Variants in WWOX observed in about 807,000 individuals in gnomAD.
WWOX encodes the protein WW domain-containing oxidoreductase.
WWOX carries 69 observed loss-of-function variants against 46.2 expected under a neutral mutation model. The ratio of observed to expected loss-of-function variants is 1.49; its 90% CI spans 1.23 to 1.82. WWOX has a LOEUF of 1.82. WWOX is among the 40% of genes most tolerant of loss of function. WWOX has a pLI of 0.00. For missense variants in WWOX, 919 were observed against 542.6 expected (o/e 1.69, Z -6.89); for synonymous variants, 359 against 202.6 (o/e 1.77, Z -6.56).
chr16:78,643,748 T>C (rs564582625), intron 8 of WWOX, among the ~76,000 whole-genome samples: 2 of 152,176 alleles, frequency 1.3e-5, no homozygotes, highest in East Asian at 3.9e-4. Context: ...CCTAGACTTC[T>C]TGTGCCTGTA....
At chr16:78,995,339 A>G (rs2046968994) in intron 8 of WWOX, among the ~76,000 whole-genome samples, 1 of 152,080 alleles carries the variant, frequency 6.6e-6, no homozygotes, top group Non-Finnish European at 1.5e-5. Context: ...TCCTGCCTAC[A>G]GGTCATCCCT....
intron 8 of WWOX, among the ~76,000 whole-genome samples, chr16:79,006,736 C>A (rs757939622): frequency 1.2e-4 from 18 of 152,088 alleles, no homozygotes; most frequent in Non-Finnish European, 1.9e-4. Context: ...TGTACCCTTG[C>A]GTCTTCCGTT....
chr16:78,623,335 TACTC>T (rs777819246), intron 8 of WWOX, among the ~76,000 whole-genome samples: 2 of 152,334 alleles, frequency 1.3e-5, no homozygotes, highest in South Asian at 2.1e-4. Flanking sequence ...AGTTCTAAGT[TACTC>T]ACCAGGTTTC....
At chr16:78,679,831 A>G (rs1288030771) in intron 8 of WWOX, among the ~76,000 whole-genome samples, 1 of 152,204 alleles carries the variant, frequency 6.6e-6, no homozygotes, top group Non-Finnish European at 1.5e-5. Context: ...ACTCAGAGTC[A>G]ACTGTTTTAG....
chr16:78,638,079 A>C (rs1354877969), intron 8 of WWOX, among the ~76,000 whole-genome samples: 1 of 152,166 alleles, frequency 6.6e-6, no homozygotes, highest in African/African-American at 2.4e-5. Context: ...CGCTTTCCCC[A>C]ATCCAAGCTA....
At chr16:78,564,527 G>A (rs1050657545) in intron 8 of WWOX, among the ~76,000 whole-genome samples, 1 of 152,352 alleles carries the variant, frequency 6.6e-6, no homozygotes, top group East Asian at 1.9e-4. Context: ...GGGGTAGAGA[G>A]TGAGTGTTAA....
chr16:78,643,911 T>G lies in WWOX; in HGVS notation c.1056+211159T>G, dbSNP rs986844466. Among the ~76,000 whole-genome samples, 5 of 151,904 alleles carry G rather than the reference T, an allele frequency of 3.3e-5. No homozygotes were observed. In the East Asian group the frequency reaches 9.7e-4, roughly 29 times the overall value. On this transcript the variant is annotated intron_variant, in intron 8 of 8. Transcript: ENST00000566780. ...GCTCCCTTGATATCTTGATGATACT[T>G]TATTAAAACAAACAAACAACAAAAA...
At chr16:78,895,339 C>T (rs2151233835) in intron 8 of WWOX, 1 of 152,298 alleles carries the variant, frequency 6.6e-6, no homozygotes, top group Middle Eastern at 3.4e-3. Context: ...ACAACATCTT[C>T]CTTTCTCATT....
chr16:78,405,623 G>A (rs1032096903), intron 6 of WWOX, among the ~76,000 whole-genome samples: 1 of 152,192 alleles, frequency 6.6e-6, no homozygotes, highest in South Asian at 2.1e-4. Context: ...CAATGTATAT[G>A]TGTTTTTTAT....
intron 8 of WWOX, among the ~76,000 whole-genome samples, chr16:79,201,347 T>C (rs868131181): frequency 0.011 from 1,561 of 147,658 alleles, 10 homozygotes; most frequent in Non-Finnish European, 0.014. Flanking sequence ...TCTTTTCTTT[T>C]TTTTTTTTTT....
chr16:79,074,040 C>T (rs977980184), intron 8 of WWOX, among the ~76,000 whole-genome samples: 53 of 151,824 alleles, frequency 3.5e-4, no homozygotes, highest in African/African-American at 1.1e-3. Context: ...TCGAGAAGCA[C>T]AGCAATACAG....
intron 5 of WWOX, among the ~76,000 whole-genome samples, chr16:78,312,762 G>C (rs1479782164): frequency 6.6e-6 from 1 of 152,168 alleles, no homozygotes; most frequent in Non-Finnish European, 1.5e-5. Context: ...TGGCTTTATG[G>C]ACAATGTGCT....
intron 8 of WWOX, among the ~76,000 whole-genome samples, chr16:78,858,232 T>G (rs2052614412): frequency 6.6e-6 from 1 of 150,858 alleles, no homozygotes; most frequent in African/African-American, 2.4e-5. Flanking sequence ...AAAGTGGTTT[T>G]TGATTACATG....
Position 78,244,605 on chromosome 16 carries a change from G to C in WWOX, c.516+80316G>C, listed in dbSNP as rs141718586. On this transcript the variant is annotated intron_variant, in intron 5 of 8. Transcript: ENST00000566780. Reference sequence around the variant, plus strand: ...TGGTCCTTTTGAGTAACTATCTCTGGAAAGGATTAAGTGCAGTGATCAATC... The same window carrying C: ...TGGTCCTTTTGAGTAACTATCTCTGCAAAGGATTAAGTGCAGTGATCAATC... Among the ~76,000 whole-genome samples, 251 of 152,246 alleles carry C rather than the reference G, an allele frequency of 1.6e-3. 1 individual carries two copies. Among genetic ancestry groups the C allele is most frequent in the East Asian group, 3.7e-3 (19 of 5,160 alleles).
In WWOX at chr16:78,548,173, A is replaced by ATTC. The variant is rs1463491369; in HGVS notation, c.1056+115421_1056+115422insTTC. Among the ~76,000 whole-genome samples, 30 of 61,974 alleles carry ATTC rather than the reference A, an allele frequency of 4.8e-4. 2 individuals carry two copies. The highest frequency in any genetic ancestry group is 1.1e-3 in the African/African-American group (29 of 25,958). The allele number at this position is 61,974 out of a possible 152,430, so 40.7% of individuals were successfully genotyped here. On this transcript the variant is annotated intron_variant, in intron 8 of 8. Transcript: ENST00000566780. ...GTCTCAAAAAAAAAAAAAAAAAAAAAAAAAATTACGAATTTTGCGAGGACG... is the reference window on the plus strand; with the variant it reads ...GTCTCAAAAAAAAAAAAAAAAAAAAATTCAAAAATTACGAATTTTGCGAGGACG...
Position 78,349,356 on chromosome 16 carries a change from G to C in WWOX, c.517-37504G>C, listed in dbSNP as rs182230359. The stretch of plus-strand genomic sequence containing the variant: ...TGAGGTAGTACGGGTTAGGTCTTCA[G>C]CATATGAATTTTGGGGAAACAGAAT... On this transcript the variant is annotated intron_variant, in intron 5 of 8. Coordinates refer to ENST00000566780, the MANE Select transcript of WWOX (RefSeq NM_016373.4). Among the ~76,000 whole-genome samples, 958 of 121,126 alleles carry C rather than the reference G, an allele frequency of 7.9e-3. 210 individuals are homozygous for C. The highest frequency in any genetic ancestry group is 0.026 in the African/African-American group (913 of 35,724). The allele number at this position is 121,126 out of a possible 152,430, so 79.5% of individuals were successfully genotyped here. A position where few individuals can be genotyped will look rare whatever the true frequency, so the allele number is the denominator to read the frequency against.
intron 8 of WWOX, among the ~76,000 whole-genome samples, chr16:78,546,660 T>G (rs1247711032): frequency 6.6e-6 from 1 of 152,192 alleles, no homozygotes; most frequent in Non-Finnish European, 1.5e-5. Flanking sequence ...TCTGAGTTAG[T>G]ACATTCAGGA....
intron 8 of WWOX, among the ~76,000 whole-genome samples, chr16:79,210,153 G>A (rs372241876): frequency 2.4e-4 from 37 of 152,270 alleles, no homozygotes; most frequent in East Asian, 5.8e-4. Flanking sequence ...GCCCAGAGTC[G>A]TATCACTTGA....
At chr16:78,742,454 A>T (rs1215549097) in intron 8 of WWOX, among the ~76,000 whole-genome samples, 1 of 152,202 alleles carries the variant, frequency 6.6e-6, no homozygotes, top group Non-Finnish European at 1.5e-5. Flanking sequence ...TATGCAGGTT[A>T]CTGTGAAAAC....
Sources: allele counts gnomAD v4.1 joint callset (sites outside exome capture counted in the v4.1 genomes callset), GRCh38; gene constraint gnomAD v4.1.1; transcripts MANE v1.5; gene names NCBI Gene and HGNC (gene_info 2026-07-23, HGNC 2026-07-21).